The following RELN variants were observed in gnomAD, a reference collection of about 807,000 sequenced individuals.
RELN encodes reelin.
Under a neutral mutation model 427.6 loss-of-function variants are expected in RELN, and 108 were observed. That is an observed-to-expected ratio of 0.25 (90% confidence interval 0.22 to 0.30). RELN has a LOEUF of 0.30. Among genes scored for constraint, RELN ranks in the 10% least tolerant of loss-of-function variants. The pLI is 1.00. For missense variants in RELN, 3,715 were observed against 4,302.8 expected (o/e 0.86, Z 3.82); for synonymous variants, 1,524 against 1,513.4 (o/e 1.01, Z -0.16).
At chr7:103,899,811 G>A (rs1193910239) in intron 2 of RELN, among the ~76,000 whole-genome samples, 2 of 152,004 alleles carry the variant, frequency 1.3e-5, no homozygotes, top group Non-Finnish European at 1.5e-5. Flanking sequence ...AATAATAAGA[G>A]CTATTTATGA....
intron 11 of RELN, among the ~76,000 whole-genome samples, chr7:103,677,079 G>T (rs1018966431): frequency 2.0e-5 from 3 of 151,624 alleles, no homozygotes; most frequent in African/African-American, 7.3e-5. Flanking sequence ...ATACTATGCA[G>T]CCATAAAAAA....
intron 25 of RELN, among the ~76,000 whole-genome samples, chr7:103,595,326 A>C (rs1382188321): frequency 1.3e-5 from 2 of 152,168 alleles, no homozygotes; most frequent in Non-Finnish European, 2.9e-5. Context: ...AGAATCTCAC[A>C]AGGCTTCATC....
chr7:103,816,458 A>T (rs1381786850), intron 3 of RELN, among the ~76,000 whole-genome samples: 1 of 152,060 alleles, frequency 6.6e-6, no homozygotes, highest in African/African-American at 2.4e-5. Context: ...GAAAAAATCA[A>T]TATGCACACA....
rs1828899640 is a variant in RELN, at chr7:103,498,201, T to G, written c.8719A>C (p.Met2907Leu). Residue 2907 changes from methionine (M) to leucine (L), a missense_variant, in exon 54 of 65, where the codon ATG becomes CTG. Coordinates refer to ENST00000428762, the MANE Select transcript of RELN (RefSeq NM_005045.4). ...DSEEIKPDLW[M>L]SLEGGSTCTE... ...CAAGTACTTCCACCTTCTAAGGACA[T>G]CCATAAGTCAGGTTTGATTTCTTCA... 6.2e-7 allele frequency: 1 copy of G among 1,613,946 alleles called. No individual in the cohort carries two copies. Among genetic ancestry groups the G allele is most frequent in the Non-Finnish European group, 8.5e-7 (1 of 1,179,970 alleles).
chr7:103,489,664 G>C, intron 60 of RELN, 78 bp downstream of exon 60: 2 of 1,521,272 alleles, frequency 1.3e-6, no homozygotes, highest in Non-Finnish European at 1.8e-6. Context: ...CCATTTCCTA[G>C]TGGACTTTTG....
chr7:103,661,767 C>G (rs941358699), intron 11 of RELN, among the ~76,000 whole-genome samples: 1 of 152,138 alleles, frequency 6.6e-6, no homozygotes, highest in Admixed American at 6.6e-5. Flanking sequence ...TGAATTTAAT[C>G]AATCTTGTAT....
intron 2 of RELN, among the ~76,000 whole-genome samples, chr7:103,843,249 G>C (rs1563045858): frequency 6.6e-6 from 1 of 151,850 alleles, no homozygotes; most frequent in Non-Finnish European, 1.5e-5. Context: ...CTGTCACCTA[G>C]GCTCAGGTGC....
At chr7:103,513,245 C>A (rs1403899495) in intron 50 of RELN, 1 of 152,222 alleles carries the variant, frequency 6.6e-6, no homozygotes, top group South Asian at 2.1e-4. Flanking sequence ...TTAGAAACTA[C>A]TTCTGTATGT....
At chr7:103,488,959 A>C (rs117805575) in intron 60 of RELN, among the ~76,000 whole-genome samples, 4,611 of 152,344 alleles carry the variant, frequency 0.03, 95 homozygotes, top group Admixed American at 0.057. Context: ...TAGCATTGCT[A>C]TCGGCCAGGT....
At chr7:103,742,209 T>C (rs940661362) in intron 6 of RELN, among the ~76,000 whole-genome samples, 6 of 152,114 alleles carry the variant, frequency 3.9e-5, no homozygotes, top group Non-Finnish European at 7.3e-5. Flanking sequence ...AAGGGTCCTG[T>C]CTGTTAGAAG....
At chr7:103,855,281 G>A (rs1221179839) in intron 2 of RELN, among the ~76,000 whole-genome samples, 1 of 152,218 alleles carries the variant, frequency 6.6e-6, no homozygotes. Flanking sequence ...GTGTGCACAG[G>A]CAGCACACTG....
At chr7:103,629,461 T>C (rs1200193807) in intron 20 of RELN, among the ~76,000 whole-genome samples, 2 of 152,160 alleles carry the variant, frequency 1.3e-5, no homozygotes, top group Admixed American at 6.5e-5. Context: ...TAACCAATCA[T>C]GGCTAAAAAT....
chr7:103,630,843 A>AT (rs1400339253), intron 19 of RELN, among the ~76,000 whole-genome samples: 16,214 of 93,680 alleles, frequency 0.17, 1,073 homozygotes, highest in South Asian at 0.25. Flanking sequence ...GGGCTGAGTT[A>AT]TTTTTTTGTT....
chr7:103,807,985 A>G (rs1792641331), intron 3 of RELN, among the ~76,000 whole-genome samples: 1 of 152,124 alleles, frequency 6.6e-6, no homozygotes, highest in African/African-American at 2.4e-5. Context: ...TTCTGAGAAC[A>G]GAGATAAGCA....
rs999780684 is a variant in RELN at position 103,945,419 on chromosome 7, G to A, written c.227-28234C>T. On this transcript the variant is annotated intron_variant, in intron 1 of 64. Coordinates refer to ENST00000428762, the MANE Select transcript of RELN (RefSeq NM_005045.4). ...CTGTTAAGAAAACCAGTTCTCAACT[G>A]TAGTATTATTTTGGCCTTCATACCT... Among the ~76,000 whole-genome samples, 24 of 152,168 alleles carry A rather than the reference G, an allele frequency of 1.6e-4. 1 individual carries two copies. Among genetic ancestry groups the A allele is most frequent in the African/African-American group, 5.8e-4 (24 of 41,458 alleles).
intron 28 of RELN, among the ~76,000 whole-genome samples, chr7:103,582,958 G>GT (rs977235493): frequency 1.4e-4 from 21 of 152,152 alleles, no homozygotes; most frequent in African/African-American, 4.8e-4. Context: ...TCATTGAGAT[G>GT]TAAGATTCAT....
At chr7:103,811,355 G>GTACT (rs1370355711) in intron 3 of RELN, among the ~76,000 whole-genome samples, 2 of 152,132 alleles carry the variant, frequency 1.3e-5, no homozygotes, top group Non-Finnish European at 2.9e-5. Context: ...ATCACAAGAG[G>GTACT]TACTGTAAAA....
At chr7:103,899,403 A>G (rs943602496) in intron 2 of RELN, among the ~76,000 whole-genome samples, 11 of 152,196 alleles carry the variant, frequency 7.2e-5, no homozygotes, top group African/African-American at 2.7e-4. Context: ...AACTATGCCG[A>G]ACATTAGAAA....
chr7:103,842,895 C>T (rs1793587117), intron 2 of RELN, among the ~76,000 whole-genome samples: 1 of 152,120 alleles, frequency 6.6e-6, no homozygotes, highest in Admixed American at 6.5e-5. Flanking sequence ...GATGCTGCCT[C>T]CCCATTCCTC....
Sources: gnomAD v4.1 joint callset for allele counts (sites outside exome capture counted in the v4.1 genomes callset) on GRCh38, gnomAD v4.1.1 for gene constraint, MANE v1.5 for transcripts, NCBI Gene and HGNC (gene_info 2026-07-23, HGNC 2026-07-21) for gene names.